Variants in SUCLG2 observed in about 807,000 individuals in gnomAD.
SUCLG2 encodes succinate--CoA ligase [GDP-forming] subunit beta, mitochondrial.
A neutral mutation model predicts 47.9 loss-of-function variants in SUCLG2; 42 were observed. The observed-to-expected ratio is 0.88, with a 90% CI of 0.69 to 1.14. The LOEUF (loss-of-function observed/expected upper bound fraction) is 1.14, where lower values mean the gene tolerates loss of function less well. Ranked by LOEUF, SUCLG2 falls within the 50% of genes most tolerant of loss-of-function variation. The pLI, the probability that SUCLG2 is intolerant of heterozygous loss-of-function variation, is 0.00. For missense variants in SUCLG2, 571 were observed against 525.9 expected, an observed-to-expected ratio of 1.09 and a Z score of -0.84; for synonymous variants, 195 against 197.3, an observed-to-expected ratio of 0.99 and a Z score of 0.10.
chr3:67,409,709 C>A (rs1376502101), intron 9 of SUCLG2, among the ~76,000 whole-genome samples: 2 of 151,938 alleles, frequency 1.3e-5, no homozygotes, highest in African/African-American at 2.4e-5. Context: ...GTAAAGAAAT[C>A]CAGTTCACAT....
At position 67,603,187 on chromosome 3, in the gene SUCLG2, TC is replaced by T. The variant is rs369067909; in HGVS notation, c.226+6267del. Reference sequence around the variant, plus strand: ...ACTTACTTCACAAAAATCAATGTTATCCTTGTCTGTCATTATAAGACAAAAA... The same window carrying T: ...ACTTACTTCACAAAAATCAATGTTATCTTGTCTGTCATTATAAGACAAAAA... On this transcript the variant is annotated intron_variant, in intron 2 of 10. Transcript: ENST00000307227. Among the ~76,000 whole-genome samples, 31 of 152,326 alleles carry T rather than the reference TC, an allele frequency of 2.0e-4. No homozygotes were observed. In the East Asian group the frequency reaches 5.6e-3, roughly 28 times the overall value.
chr3:67,508,683 G>T, intron 7 of SUCLG2, 124 bp downstream of exon 7: 1 of 737,024 alleles, frequency 1.4e-6, no homozygotes, highest in Non-Finnish European at 2.2e-6. Flanking sequence ...TCAAACTATG[G>T]CAGAAATTAA....
chr3:67,364,883 T>C (rs949008185), intron 10 of SUCLG2, among the ~76,000 whole-genome samples: 15 of 151,978 alleles, frequency 9.9e-5, no homozygotes, highest in Admixed American at 5.9e-4. Context: ...AAAGCAACCA[T>C]CATAAAAAAT....
At chr3:67,410,174 C>T (rs1702903774) in intron 9 of SUCLG2, among the ~76,000 whole-genome samples, 1 of 152,140 alleles carries the variant, frequency 6.6e-6, no homozygotes. Context: ...TTAGGTGGCA[C>T]AGAGATCTAT....
At chr3:67,370,537 C>A (rs1425714980), downstream of SUCLG2, among the ~76,000 whole-genome samples, 1 of 152,090 alleles carries the variant, frequency 6.6e-6, no homozygotes, top group African/African-American at 2.4e-5. Context: ...CAGGAATCCC[C>A]CCTTACCTGC....
chr3:67,428,350 A>C (rs891305478), intron 9 of SUCLG2, among the ~76,000 whole-genome samples: 4 of 152,224 alleles, frequency 2.6e-5, no homozygotes, highest in African/African-American at 9.6e-5. Context: ...GTGGACCTCC[A>C]GCAAACTACA....
At chr3:67,619,671 G>A (rs1162864646) in intron 1 of SUCLG2, among the ~76,000 whole-genome samples, 1 of 152,126 alleles carries the variant, frequency 6.6e-6, no homozygotes, top group Non-Finnish European at 1.5e-5. Flanking sequence ...TTTTATCCTA[G>A]GTTCAGCAGA....
chr3:67,643,514 T>A (rs1701139796), intron 1 of SUCLG2, among the ~76,000 whole-genome samples: 1 of 152,248 alleles, frequency 6.6e-6, no homozygotes, highest in South Asian at 2.1e-4. Context: ...CAAGGCTGTA[T>A]AATTAACTTC....
chr3:67,504,284 TG>T (rs1286694000), intron 7 of SUCLG2, among the ~76,000 whole-genome samples: 1 of 151,838 alleles, frequency 6.6e-6, no homozygotes, highest in Non-Finnish European at 1.5e-5. Flanking sequence ...GAACCGAAAA[TG>T]TTCTTGAAAA....
chr3:67,468,681 C>A (rs75000537), intron 9 of SUCLG2, among the ~76,000 whole-genome samples: 1 of 152,092 alleles, frequency 6.6e-6, no homozygotes. Flanking sequence ...AGTCATCACA[C>A]GGCTCGGGCT....
At chr3:67,495,325 C>T (rs1205868866) in intron 9 of SUCLG2, among the ~76,000 whole-genome samples, 4 of 152,104 alleles carry the variant, frequency 2.6e-5, no homozygotes, top group African/African-American at 9.7e-5. Flanking sequence ...TTACCCAAAA[C>T]GAGTTAAATC....
intron 9 of SUCLG2, among the ~76,000 whole-genome samples, chr3:67,444,837 C>T (rs1359612154): frequency 1.0e-3 from 10 of 9,610 alleles, no homozygotes; most frequent in African/African-American, 1.2e-3. Context: ...GTCCCCCGCC[C>T]GGCCAGCCGC....
At chr3:67,387,872 TAA>T (rs1334784702) in intron 10 of SUCLG2, among the ~76,000 whole-genome samples, 1 of 151,960 alleles carries the variant, frequency 6.6e-6, no homozygotes, top group African/African-American at 2.4e-5. Context: ...AGTATATTAG[TAA>T]ATACCATGTG....
intron 2 of SUCLG2, among the ~76,000 whole-genome samples, chr3:67,607,596 T>A (rs888536506): frequency 1.3e-5 from 2 of 152,044 alleles, no homozygotes; most frequent in Non-Finnish European, 2.9e-5. Context: ...ATCCCTAATA[T>A]CTGGATCTGT....
At chr3:67,429,799 C>T (rs575068973) in intron 9 of SUCLG2, among the ~76,000 whole-genome samples, 156 of 152,200 alleles carry the variant, frequency 1.0e-3, no homozygotes, top group African/African-American at 3.7e-3. Context: ...GGGTTGCAAT[C>T]CTAGTTTCTG....
intron 10 of SUCLG2, among the ~76,000 whole-genome samples, chr3:67,361,657 A>C (rs1280963606): frequency 6.6e-6 from 1 of 152,142 alleles, no homozygotes; most frequent in Non-Finnish European, 1.5e-5. Flanking sequence ...CTATTATTAG[A>C]TAGATTGCAT....
intron 1 of SUCLG2, among the ~76,000 whole-genome samples, chr3:67,642,160 T>A (rs75746181): frequency 1.3e-5 from 2 of 152,136 alleles, no homozygotes; most frequent in South Asian, 4.1e-4. Flanking sequence ...GATTTCAACA[T>A]AGGAATTTTG....
chr3:67,378,342 C>G (rs1702080957), intron 10 of SUCLG2, among the ~76,000 whole-genome samples: 1 of 152,182 alleles, frequency 6.6e-6, no homozygotes, highest in Non-Finnish European at 1.5e-5. Context: ...AAGCCTGTGG[C>G]TTCAGTCTTG....
At chr3:67,543,308 T>A (rs1032741962) in intron 2 of SUCLG2, among the ~76,000 whole-genome samples, 12 of 152,180 alleles carry the variant, frequency 7.9e-5, no homozygotes, top group Admixed American at 3.9e-4. Context: ...TAGCATTTTT[T>A]AAAAAATACA....
Sources: gnomAD v4.1 joint callset for allele counts (sites outside exome capture counted in the v4.1 genomes callset) on GRCh38, gnomAD v4.1.1 for gene constraint, MANE v1.5 for transcripts, NCBI Gene and HGNC (gene_info 2026-07-23, HGNC 2026-07-21) for gene names.